MMP26: variants seen among roughly 807,000 people sequenced by gnomAD.
MMP26 encodes the protein matrix metallopeptidase 26.
In MMP26, 33 loss-of-function variants were observed where a neutral mutation model predicts 31.0. The ratio of observed to expected loss-of-function variants is 1.06; its 90% CI spans 0.81 to 1.42. The LOEUF is 1.42. MMP26 is among the 40% of genes most tolerant of loss of function. The pLI is 0.00. For synonymous variants in MMP26, 122 were observed against 114.9 expected (o/e 1.06, Z -0.40); for missense variants, 347 against 316.1 (o/e 1.10, Z -0.74).
chr11:4,881,755 G>T, intron 2 of MMP26: 1 of 746,682 alleles, frequency 1.3e-6, no homozygotes, highest in Non-Finnish European at 2.2e-6. Context: ...AACCTTCCTG[G>T]GTCCATTTCC....
intron 2 of MMP26, among the ~76,000 whole-genome samples, chr11:4,817,340 T>A (rs1045665909): frequency 2.0e-5 from 3 of 152,086 alleles, no homozygotes; most frequent in Admixed American, 6.5e-5. Context: ...TCCCAGCACT[T>A]TGGGAGGCAA....
At position 4,991,442 on chromosome 11, in the gene MMP26, A is replaced by C; in HGVS notation, c.541A>C (p.Asn181His). The C allele has an allele frequency of 6.2e-7, 1 of 1,614,022 alleles. No individual in the cohort carries two copies. The highest frequency in any genetic ancestry group is 8.5e-7 in the Non-Finnish European group (1 of 1,179,916). Reference sequence around the variant, plus strand: ...CCATGCCTTTTTACCAAATTCTGGAAATCCTGGAGTTGTCCATTTTGACAA... The same window carrying C: ...CCATGCCTTTTTACCAAATTCTGGACATCCTGGAGTTGTCCATTTTGACAA... Reference protein sequence around the residue: ...LGHAFLPNSGNPGVVHFDKNE... With the variant: ...LGHAFLPNSGHPGVVHFDKNE... Residue 181 changes from asparagine to histidine, a missense_variant, in exon 6 of 8, where the codon AAT (asparagine) becomes CAT (histidine). By Grantham distance (68) the Asn-to-His change is moderately conservative (BLOSUM62 1). Coordinates refer to ENST00000380390, the MANE Select transcript of MMP26 (RefSeq NM_021801.5).
At chr11:4,802,537 A>G (rs1849197349) in intron 2 of MMP26, among the ~76,000 whole-genome samples, 1 of 152,190 alleles carries the variant, frequency 6.6e-6, no homozygotes, top group African/African-American at 2.4e-5. Flanking sequence ...ATAAAAATGG[A>G]CCTGGACCTG....
chr11:4,956,520 G>T (rs1162618752), intron 2 of MMP26, among the ~76,000 whole-genome samples: 2 of 152,144 alleles, frequency 1.3e-5, no homozygotes, highest in African/African-American at 4.8e-5. Context: ...CTCTGCAAAA[G>T]CTTGGATATT....
intron 2 of MMP26, among the ~76,000 whole-genome samples, chr11:4,861,490 T>G (rs893899894): frequency 6.6e-6 from 1 of 151,636 alleles, no homozygotes; most frequent in Non-Finnish European, 1.5e-5. Flanking sequence ...TATGTATATA[T>G]GTATATATAT....
At chr11:4,912,252 G>A (rs866999307) in intron 2 of MMP26, among the ~76,000 whole-genome samples, 3 of 139,778 alleles carry the variant, frequency 2.1e-5, no homozygotes, top group Admixed American at 1.4e-4. Context: ...AAATAAAATT[G>A]ATCTCAGATA....
intron 2 of MMP26, 56 bp from the exon 3 acceptor site, chr11:4,988,012 T>C: frequency 1.6e-6 from 1 of 615,498 alleles, no homozygotes. Flanking sequence ...AGCTTAAAAA[T>C]AAATTCCATG....
At chr11:4,898,306 CT>C (rs1850743891) in intron 2 of MMP26, among the ~76,000 whole-genome samples, 1 of 151,904 alleles carries the variant, frequency 6.6e-6, no homozygotes, top group Non-Finnish European at 1.5e-5. Context: ...TATTTCTCTA[CT>C]TGTATATCTT....
intron 2 of MMP26, among the ~76,000 whole-genome samples, chr11:4,892,084 G>A (rs12577475): frequency 0.13 from 19,909 of 151,978 alleles, 2,171 homozygotes; most frequent in East Asian, 0.61. Context: ...TTTATTGAGA[G>A]GCTAGGGCAC....
At chr11:4,769,284 C>G (rs1324865799) in intron 2 of MMP26, 1 of 1,613,770 alleles carries the variant, frequency 6.2e-7, no homozygotes, top group South Asian at 1.1e-5. Flanking sequence ...CATGGTGTAT[C>G]TATTCCAGTG....
At chr11:4,800,959 A>G (rs748792957) in intron 2 of MMP26, among the ~76,000 whole-genome samples, 1 of 151,366 alleles carries the variant, frequency 6.6e-6, no homozygotes, top group Non-Finnish European at 1.5e-5. Context: ...AGCTCCCAAT[A>G]GCTTCCTCAT....
rs142909824 is a variant in MMP26, at chr11:4,737,734, G to A, written c.-216-29536G>A. On this transcript the variant is annotated intron_variant, in intron 1 of 7. Coordinates refer to ENST00000380390, the MANE Select transcript of MMP26 (RefSeq NM_021801.5). ...ACTTTGACCCTAAGTCAGTTTCTCC[G>A]TTCCTTTGTACTGTCCACACAAAGA... is the stretch of plus-strand genomic sequence containing the variant. 7.0e-4 allele frequency among the ~76,000 whole-genome samples: 106 copies of A among 152,206 alleles called. 1 individual carries two copies. The highest frequency in any genetic ancestry group is 3.4e-3 in the Middle Eastern group (1 of 294).
intron 2 of MMP26, among the ~76,000 whole-genome samples, chr11:4,960,454 A>G (rs1846505643): frequency 6.6e-6 from 1 of 151,918 alleles, no homozygotes; most frequent in Non-Finnish European, 1.5e-5. Flanking sequence ...GTCAGGCTAG[A>G]CAAACATCCA....
rs781157247 is a variant in MMP26, at chr11:4,825,012, T to C, written c.-145+57671T>C. Among the ~76,000 whole-genome samples the C allele has an allele frequency of 5.1e-4, 78 of 152,206 alleles. No individual in the cohort carries two copies. The Middle Eastern group carries it at 0.01, about 20-fold the overall frequency. ...AAGCTGTTTTCTCCAAAAATGTTAA[T>C]AAAAATCCTCTTTTCAGGCTTTGCT... On this transcript the variant is annotated intron_variant, in intron 2 of 7. Coordinates refer to ENST00000380390, the MANE Select transcript of MMP26 (RefSeq NM_021801.5).
intron 2 of MMP26, among the ~76,000 whole-genome samples, chr11:4,775,917 T>C (rs1589897320): frequency 1.3e-5 from 2 of 152,032 alleles, no homozygotes; most frequent in East Asian, 1.9e-4. Flanking sequence ...ATTATACCTA[T>C]TAAGTAATTT....
intron 2 of MMP26, chr11:4,821,829 C>T: frequency 6.2e-7 from 1 of 1,613,124 alleles, no homozygotes; most frequent in Non-Finnish European, 8.5e-7. Flanking sequence ...GATACACTAC[C>T]ATCCTTACCA....
At chr11:4,924,106 G>A in intron 2 of MMP26, 2 of 1,614,144 alleles carry the variant, frequency 1.2e-6, no homozygotes. Context: ...TGGGCAGTGT[G>A]GAAAGGCAAA....
chr11:4,800,877 A>T (rs1001010998), intron 2 of MMP26, among the ~76,000 whole-genome samples: 3 of 118,872 alleles, frequency 2.5e-5, no homozygotes, highest in Admixed American at 2.2e-4. Flanking sequence ...TCAAACTTTC[A>T]TAGGTCCCTA....
intron 2 of MMP26, among the ~76,000 whole-genome samples, chr11:4,840,342 C>A (rs1381978051): frequency 6.6e-6 from 1 of 152,166 alleles, no homozygotes. Context: ...AGACAGCAGC[C>A]AGGAAGTGGT....
Sources: gnomAD v4.1 joint callset for allele counts (sites outside exome capture counted in the v4.1 genomes callset) on GRCh38, gnomAD v4.1.1 for gene constraint, MANE v1.5 for transcripts, NCBI Gene and HGNC (gene_info 2026-07-23, HGNC 2026-07-21) for gene names.